PBX4: variants seen among roughly 807,000 people sequenced by gnomAD.
PBX4 encodes pre-B-cell leukemia transcription factor 4.
Under a neutral mutation model 35.1 loss-of-function variants are expected in PBX4, and 26 were observed. The ratio of observed to expected loss-of-function variants is 0.74; its 90% CI spans 0.54 to 1.03. PBX4 has a LOEUF of 1.03. PBX4 is among the 50% of genes least tolerant of loss of function. PBX4 has a pLI of 0.00. For synonymous variants in PBX4, 199 were observed against 204.2 expected, an observed-to-expected ratio of 0.97 and a Z score of 0.22; for missense variants, 448 against 504.3, an observed-to-expected ratio of 0.89 and a Z score of 1.07.
In PBX4 at chr19:19,563,715, GC is replaced by G; in HGVS notation, c.926-101del. 9.9e-7 allele frequency: 1 copy of G among 1,008,670 alleles called. No homozygotes were observed. The highest frequency in any genetic ancestry group is 1.5e-6 in the Non-Finnish European group (1 of 659,280). The allele number at this position is 1,008,670 out of a possible 1,614,324, so 62.5% of individuals were successfully genotyped here. A position where few individuals can be genotyped will look rare whatever the true frequency, so the allele number is the denominator to read the frequency against. ...GCAGGAGGCCTCGAATGTGGCTCCTGCCCCTCCTCAGCATCCGGCCTCTGCT... is the reference window on the plus strand; with the variant it reads ...GCAGGAGGCCTCGAATGTGGCTCCTGCCCTCCTCAGCATCCGGCCTCTGCT... On this transcript the variant is annotated intron_variant, in intron 6 of 7. Coordinates refer to ENST00000251203, the MANE Select transcript of PBX4 (RefSeq NM_025245.3). The surrounding 1 kb of genome is among the most constrained non-coding windows in gnomAD (Gnocchi z 5.1).
intron 1 of PBX4, among the ~76,000 whole-genome samples, chr19:19,614,977 C>A (rs1040018656): frequency 2.0e-4 from 31 of 151,346 alleles, no homozygotes; most frequent in Non-Finnish European, 1.3e-4. Flanking sequence ...CTAGCCAATA[C>A]GGTGAAACCC....
chr19:19,576,275 G>C (rs1487262045), intron 2 of PBX4, among the ~76,000 whole-genome samples: 1 of 152,120 alleles, frequency 6.6e-6, no homozygotes, highest in African/African-American at 2.4e-5. Flanking sequence ...TGCCAGGCTG[G>C]AGTGCAGTGG....
chr19:19,612,645 G>C (rs2061668653), intron 1 of PBX4, among the ~76,000 whole-genome samples: 1 of 152,104 alleles, frequency 6.6e-6, no homozygotes, highest in Admixed American at 6.6e-5. Flanking sequence ...GTCTGGACTT[G>C]AGTGAACTTT....
intron 1 of PBX4, among the ~76,000 whole-genome samples, chr19:19,615,233 G>C (rs2061682899): frequency 6.7e-6 from 1 of 148,626 alleles, no homozygotes; most frequent in Non-Finnish European, 1.5e-5. Flanking sequence ...TGTGGTCCTA[G>C]CTACTCAAGA....
chr19:19,562,833 T>A lies in PBX4; in HGVS notation c.1032+676A>T, dbSNP rs2061316292. On this transcript the variant is annotated intron_variant, in intron 7 of 7. Coordinates refer to ENST00000251203, the MANE Select transcript of PBX4 (RefSeq NM_025245.3). The surrounding 1 kb of genome is among the most constrained non-coding windows in gnomAD (Gnocchi z 4.8). The stretch of plus-strand genomic sequence containing the variant: ...GGCAAGGTGAGGCCCCTCACGTGTG[T>A]CCCTGGCTGGGGGCTGCATGGTGAT... 6.6e-6 allele frequency among the ~76,000 whole-genome samples: 1 copy of A among 152,032 alleles called. No individual in the cohort carries two copies. Among genetic ancestry groups the A allele is most frequent in the Admixed American group, 6.5e-5 (1 of 15,270 alleles).
At chr19:19,616,140 T>C (rs963058860) in intron 1 of PBX4, among the ~76,000 whole-genome samples, 2 of 151,988 alleles carry the variant, frequency 1.3e-5, no homozygotes, top group Non-Finnish European at 2.9e-5. Context: ...TCCTTTTCTG[T>C]AATAATCACT....
intron 5 of PBX4, among the ~76,000 whole-genome samples, chr19:19,565,838 A>C (rs1055382541): frequency 1.3e-5 from 2 of 152,122 alleles, no homozygotes; most frequent in Non-Finnish European, 2.9e-5. Flanking sequence ...GAATCACTTG[A>C]ACCTGGGAGG....
At chr19:19,576,536 T>A (rs2061420682) in intron 2 of PBX4, among the ~76,000 whole-genome samples, 1 of 149,312 alleles carries the variant, frequency 6.7e-6, no homozygotes, top group Admixed American at 6.7e-5. Context: ...AAAAAAAAAT[T>A]TTTTTTTTAA....
chr19:19,594,729 C>CT (rs958881028), intron 2 of PBX4, among the ~76,000 whole-genome samples: 34 of 146,990 alleles, frequency 2.3e-4, no homozygotes, highest in South Asian at 1.1e-3. Flanking sequence ...GATTAAAGTA[C>CT]TTTTTTTTTT....
At chr19:19,575,299 G>A (rs1044343783) in intron 2 of PBX4, among the ~76,000 whole-genome samples, 23 of 145,498 alleles carry the variant, frequency 1.6e-4, no homozygotes, top group Non-Finnish European at 6.0e-5. Context: ...GCACCCATGA[G>A]CGAGGACAGC....
At chr19:19,582,232 G>A (rs1216360367) in intron 2 of PBX4, among the ~76,000 whole-genome samples, 3 of 152,298 alleles carry the variant, frequency 2.0e-5, no homozygotes, top group East Asian at 1.9e-4. Context: ...AGAGAAGGGC[G>A]GGGTCCCTGG....
chr19:19,588,555 G>C (rs1277018199), intron 2 of PBX4: 1 of 452,200 alleles, frequency 2.2e-6, no homozygotes, highest in Admixed American at 3.1e-5. Context: ...GGCATTACAG[G>C]TGTGAGCCAC....
intron 2 of PBX4, among the ~76,000 whole-genome samples, chr19:19,587,209 C>G (rs1205386873): frequency 6.6e-6 from 1 of 151,730 alleles, no homozygotes; most frequent in East Asian, 2.0e-4. Flanking sequence ...TTTTGACTAC[C>G]AGAAAATAAA....
At chr19:19,610,520 G>T (rs1175577980) in intron 1 of PBX4, among the ~76,000 whole-genome samples, 1 of 152,030 alleles carries the variant, frequency 6.6e-6, no homozygotes, top group Admixed American at 6.6e-5. Flanking sequence ...GGAATCCGAG[G>T]CGGGATAATC....
chr19:19,612,810 T>C (rs1568400656), intron 1 of PBX4, among the ~76,000 whole-genome samples: 1 of 151,382 alleles, frequency 6.6e-6, no homozygotes, highest in Non-Finnish European at 1.5e-5. Flanking sequence ...CAAGCATGAA[T>C]AACGCCCCCC....
At chr19:19,572,368 G>A (rs188884127) in intron 2 of PBX4, among the ~76,000 whole-genome samples, 6 of 151,734 alleles carry the variant, frequency 4.0e-5, no homozygotes, top group Admixed American at 1.3e-4. Context: ...CCACCGTACC[G>A]GGCCAGAATC....
chr19:19,610,877 C>T (rs1425898260), intron 1 of PBX4, among the ~76,000 whole-genome samples: 1 of 152,172 alleles, frequency 6.6e-6, no homozygotes, highest in Admixed American at 6.6e-5. Context: ...GACTACAAGG[C>T]ACGAAGTCAA....
In PBX4 at chr19:19,562,133, C is replaced by A. The variant is rs1455915069; in HGVS notation, c.1033-16G>T. ...TACCCTGGGCCTGAAACGACAGAGA[C>A]TGAGCATCAGAGTGGGTGGCCGTGA... On this transcript the variant is annotated splice_polypyrimidine_tract_variant and intron_variant, in intron 7 of 7. Transcript: ENST00000251203. The surrounding 1 kb of genome is among the most constrained non-coding windows in gnomAD (Gnocchi z 4.8). 7 of 1,599,172 alleles carry A rather than the reference C, an allele frequency of 4.4e-6. No homozygotes were observed. Among genetic ancestry groups the A allele is most frequent in the Middle Eastern group, 3.3e-4 (2 of 6,012 alleles).
intron 1 of PBX4, among the ~76,000 whole-genome samples, chr19:19,613,826 A>T (rs1346157811): frequency 1.3e-5 from 2 of 152,164 alleles, no homozygotes; most frequent in Non-Finnish European, 2.9e-5. Context: ...AGTATAATAA[A>T]GCCACTGCTC....
Sources: gnomAD v4.1 joint callset for allele counts (sites outside exome capture counted in the v4.1 genomes callset) on GRCh38, gnomAD v4.1.1 for gene constraint, Gnocchi (gnomAD v3.1) non-coding constraint, MANE v1.5 for transcripts, NCBI Gene and HGNC (gene_info 2026-07-23, HGNC 2026-07-21) for gene names.